The following NFAT5 variants were observed in gnomAD, a reference collection of about 807,000 sequenced individuals.
NFAT5 encodes the protein nuclear factor of activated T cells 5.
NFAT5 carries 31 observed loss-of-function variants against 166.5 expected under a neutral mutation model. The ratio of observed to expected loss-of-function variants is 0.19; its 90% CI spans 0.14 to 0.25. The LOEUF is 0.25. NFAT5 is among the 10% of genes least tolerant of loss of function. The pLI is 1.00. For synonymous variants in NFAT5, 612 were observed against 639.7 expected, an observed-to-expected ratio of 0.96 and a Z score of 0.65; for missense variants, 1,449 against 1,821.8, an observed-to-expected ratio of 0.80 and a Z score of 3.72.
intron 2 of NFAT5, among the ~76,000 whole-genome samples, chr16:69,599,872 A>G (rs987999414): frequency 6.6e-6 from 1 of 152,154 alleles, no homozygotes; most frequent in Admixed American, 6.6e-5. Flanking sequence ...AGAGAAAGGG[A>G]GAGAGATATT....
chr16:69,670,360 C>T (rs1023424722), intron 9 of NFAT5, 72 bp downstream of exon 9: 1 of 909,578 alleles, frequency 1.1e-6, no homozygotes, highest in South Asian at 1.6e-5. Context: ...TGAAATTTTC[C>T]TGAATCAATA....
At chr16:69,687,520 G>A (rs1175749793) in intron 11 of NFAT5, among the ~76,000 whole-genome samples, 2 of 150,490 alleles carry the variant, frequency 1.3e-5, no homozygotes, top group African/African-American at 4.9e-5. Flanking sequence ...AAGGACTTGT[G>A]TCTTTGCATG....
chr16:69,670,827 T>C (rs1238828834), intron 9 of NFAT5, among the ~76,000 whole-genome samples: 2 of 152,096 alleles, frequency 1.3e-5, no homozygotes, highest in African/African-American at 2.4e-5. Flanking sequence ...AAATTGAGAC[T>C]AACAGAAGGC....
intron 2 of NFAT5, among the ~76,000 whole-genome samples, chr16:69,596,737 A>G (rs1203935035): frequency 6.6e-6 from 1 of 151,318 alleles, no homozygotes. Context: ...AAAAAAAAAA[A>G]GTATTCTGAC....
rs555016270 is a variant in NFAT5 at position 69,659,711 on chromosome 16, T to A, written c.1197-16T>A. 152 of 1,528,796 alleles carry A rather than the reference T, an allele frequency of 9.9e-5. No homozygotes were observed. The East Asian group carries it at 1.7e-3, about 17-fold the overall frequency. The allele number at this position is 1,528,796 out of a possible 1,614,324, so 94.7% of individuals were successfully genotyped here. A position where few individuals can be genotyped will look rare whatever the true frequency, so the allele number is the denominator to read the frequency against. On this transcript the variant is annotated splice_polypyrimidine_tract_variant and intron_variant, in intron 6 of 14. Transcript: ENST00000349945. The stretch of plus-strand genomic sequence containing the variant: ...TACAACAAAATGTCCCTTTATATAT[T>A]TTTTTTCTGTATTAGGGTGGACTGC...
chr16:69,675,611 C>T (rs1021333675), intron 9 of NFAT5, among the ~76,000 whole-genome samples: 2 of 152,006 alleles, frequency 1.3e-5, no homozygotes, highest in African/African-American at 4.8e-5. Context: ...CTGTTAATGC[C>T]GTAAATTAGA....
intron 3 of NFAT5, chr16:69,644,815 T>C (rs1264380806): frequency 2.2e-6 from 1 of 455,110 alleles, no homozygotes; most frequent in Non-Finnish European, 4.4e-6. Context: ...GAGATGTTCA[T>C]ACTCTGCATT....
chr16:69,689,862 C>T lies in NFAT5; in HGVS notation c.1775-1078C>T, dbSNP rs150112435. 3.9e-3 allele frequency among the ~76,000 whole-genome samples: 587 copies of T among 152,278 alleles called. 6 individuals carry two copies. Among genetic ancestry groups the T allele is most frequent in the African/African-American group, 0.013 (557 of 41,568 alleles). On this transcript the variant is annotated intron_variant, in intron 11 of 14. Coordinates refer to ENST00000349945, the MANE Select transcript of NFAT5 (RefSeq NM_138713.4). ...ACTTGGCCTTTCAGCAGCATATTGA[C>T]TGACAACAACAACAAAAATTTATGA...
chr16:69,649,635 C>A, intron 4 of NFAT5: 1 of 773,350 alleles, frequency 1.3e-6, no homozygotes, highest in Non-Finnish European at 1.6e-6. Context: ...GAATTTATAA[C>A]AACTATATTG....
rs1278825861 is a variant in NFAT5 at position 69,698,766 on chromosome 16, G to A, written c.*2415G>A. The A allele has an allele frequency of 6.6e-6, 1 of 152,500 alleles. No individual in the cohort carries two copies. The highest frequency in any genetic ancestry group is 2.4e-5 in the African/African-American group (1 of 41,406). The allele number at this position is 152,500 out of a possible 1,614,324, so 9.4% of individuals were successfully genotyped here. ...TTAATATTTTATTATTGTTGTTATT[G>A]TTATTATTAATTGGCTTTCTGTATT... On this transcript the variant is annotated 3_prime_UTR_variant, in exon 15 of 15. Coordinates refer to ENST00000349945, the MANE Select transcript of NFAT5 (RefSeq NM_138713.4).
chr16:69,692,172 C>G lies in NFAT5; in HGVS notation c.2347C>G (p.Pro783Ala), dbSNP rs1380996008. 6.2e-7 allele frequency: 1 copy of G among 1,614,030 alleles called. No homozygotes were observed. The highest frequency in any genetic ancestry group is 8.5e-7 in the Non-Finnish European group (1 of 1,180,046). ...QQISSNIFPSPNSVSQLQNTI... is the reference protein window; with the variant it reads ...QQISSNIFPSANSVSQLQNTI... ...GATTTCATCAAATATTTTTCCATCACCAAATAGTGTGAGTCAGCTTCAGAA... is the reference window on the plus strand; with the variant it reads ...GATTTCATCAAATATTTTTCCATCAGCAAATAGTGTGAGTCAGCTTCAGAA... Residue 783 changes from proline to alanine, a missense_variant, in exon 13 of 15, where the codon CCA becomes GCA. Transcript: ENST00000349945.
At chr16:69,657,357 T>G (rs1173782741) in intron 6 of NFAT5, among the ~76,000 whole-genome samples, 2 of 151,662 alleles carry the variant, frequency 1.3e-5, no homozygotes, top group Non-Finnish European at 2.9e-5. Context: ...CTTGAACTCC[T>G]GACCTCAAAT....
intron 3 of NFAT5, among the ~76,000 whole-genome samples, chr16:69,627,026 G>C (rs1055386529): frequency 1.3e-5 from 2 of 151,798 alleles, no homozygotes; most frequent in African/African-American, 4.8e-5. Flanking sequence ...TTTATTGAAA[G>C]TAATGGAGGA....
At chr16:69,619,242 A>G (rs1393619904) in intron 2 of NFAT5, among the ~76,000 whole-genome samples, 1 of 152,234 alleles carries the variant, frequency 6.6e-6, no homozygotes, top group Non-Finnish European at 1.5e-5. Flanking sequence ...CTAAGAAAGA[A>G]TAAGAACTTA....
intron 2 of NFAT5, among the ~76,000 whole-genome samples, chr16:69,593,043 T>G (rs1442522448): frequency 6.6e-6 from 1 of 152,218 alleles, no homozygotes; most frequent in Non-Finnish European, 1.5e-5. Context: ...TCTAATTAGA[T>G]TAGTTGCGTT....
At chr16:69,695,522 T>C (rs745823345) in intron 14 of NFAT5, 143 bp downstream of exon 14, 2 of 650,006 alleles carry the variant, frequency 3.1e-6, no homozygotes, top group Non-Finnish European at 5.3e-6. Context: ...ATAAAATTAT[T>C]CTGAATGATA....
chr16:69,597,184 C>G (rs924737650), intron 2 of NFAT5, among the ~76,000 whole-genome samples: 4 of 151,862 alleles, frequency 2.6e-5, no homozygotes, highest in Non-Finnish European at 5.9e-5. Context: ...GATTATAGAG[C>G]TAGAGAAGAG....
At chr16:69,640,034 T>C (rs1251893164) in intron 3 of NFAT5, among the ~76,000 whole-genome samples, 2 of 152,244 alleles carry the variant, frequency 1.3e-5, no homozygotes, top group Non-Finnish European at 2.9e-5. Context: ...GTTTTAATCA[T>C]GTAAATGATC....
chr16:69,621,387 G>T (rs558329120), intron 2 of NFAT5, among the ~76,000 whole-genome samples: 4 of 151,986 alleles, frequency 2.6e-5, no homozygotes, highest in Non-Finnish European at 4.4e-5. Flanking sequence ...ACTCCAAAAA[G>T]AAACCTTATC....
Sources: allele counts gnomAD v4.1 joint callset (sites outside exome capture counted in the v4.1 genomes callset), GRCh38; gene constraint gnomAD v4.1.1; transcripts MANE v1.5; gene names NCBI Gene and HGNC (gene_info 2026-07-23, HGNC 2026-07-21).